VPS13B: variants seen among roughly 807,000 people sequenced by gnomAD.
VPS13B encodes vacuolar protein sorting 13 homolog B.
A neutral mutation model predicts 426.4 loss-of-function variants in VPS13B; 285 were observed. The observed-to-expected ratio is 0.67, with a 90% CI of 0.61 to 0.74. The LOEUF (loss-of-function observed/expected upper bound fraction) is 0.74. VPS13B is among the 30% of genes least tolerant of loss of function. The probability of loss-of-function intolerance (pLI) is 0.00; values close to 1 mark genes in which losing one functional copy is unlikely to be tolerated. For missense variants in VPS13B, 4,537 were observed against 4,782.6 expected, an observed-to-expected ratio of 0.95 and a Z score of 1.51; for synonymous variants, 1,676 against 1,676.4, an observed-to-expected ratio of 1.00 and a Z score of 0.01.
Position 99,642,029 on chromosome 8 carries a change from C to T in VPS13B, c.5439C>T (p.Asp1813=), listed in dbSNP as rs1588579468. 3 of 1,614,056 alleles carry T rather than the reference C, an allele frequency of 1.9e-6. No individual in the cohort carries two copies. The highest frequency in any genetic ancestry group is 2.5e-6 in the Non-Finnish European group (3 of 1,179,984). Residue 1813 remains aspartate (D), a synonymous_variant, in exon 34 of 62, where the codon GAC becomes GAT. Coordinates refer to ENST00000357162, the MANE Select transcript of VPS13B (RefSeq NM_152564.5). ...AAAATCTAAATTTTATTCCCTTTGA[C>T]ATATTTATTACTGCAAGTAGAATCT... is the stretch of plus-strand genomic sequence containing the variant. ...IVKNLNFIPF[D]IFITASRISL...
intron 2 of VPS13B, among the ~76,000 whole-genome samples, chr8:99,038,028 A>T (rs1842823413): frequency 6.6e-6 from 1 of 152,086 alleles, no homozygotes; most frequent in Non-Finnish European, 1.5e-5. Flanking sequence ...GCTGCTATAT[A>T]CTGTTGCACT....
chr8:99,388,817 TG>T (rs1282269523), intron 20 of VPS13B, among the ~76,000 whole-genome samples: 1 of 152,250 alleles, frequency 6.6e-6, no homozygotes, highest in Non-Finnish European at 1.5e-5. Context: ...AAAGTGGTTT[TG>T]TTTGGCCTTG....
intron 19 of VPS13B, among the ~76,000 whole-genome samples, chr8:99,339,255 G>T (rs1203704665): frequency 6.6e-6 from 1 of 152,086 alleles, no homozygotes; most frequent in Non-Finnish European, 1.5e-5. Context: ...ACCTAAGACT[G>T]GGTAACTTAT....
chr8:99,697,731 C>T (rs1832092424), intron 35 of VPS13B: 2 of 620,266 alleles, frequency 3.2e-6, no homozygotes, highest in East Asian at 3.4e-5. Flanking sequence ...CTGGGCCTGG[C>T]CTAGGGCGCG....
chr8:99,075,293 TG>T (rs978698196), intron 3 of VPS13B, among the ~76,000 whole-genome samples: 2 of 152,268 alleles, frequency 1.3e-5, no homozygotes, highest in Admixed American at 6.5e-5. Context: ...GCCTAGCTTC[TG>T]GGGAGGTCTC....
chr8:99,608,677 G>A (rs1421837121), intron 33 of VPS13B, among the ~76,000 whole-genome samples: 1 of 151,930 alleles, frequency 6.6e-6, no homozygotes, highest in Non-Finnish European at 1.5e-5. Context: ...CCACTGCTAG[G>A]CAACCACTAA....
chr8:99,505,808 C>T (rs1007491096), intron 27 of VPS13B, among the ~76,000 whole-genome samples: 8 of 152,028 alleles, frequency 5.3e-5, no homozygotes, highest in African/African-American at 1.9e-4. Flanking sequence ...AATATCTGCA[C>T]TATGCAATAA....
At chr8:99,304,872 G>A (rs1454415876) in intron 19 of VPS13B, among the ~76,000 whole-genome samples, 1 of 151,826 alleles carries the variant, frequency 6.6e-6, no homozygotes, top group Non-Finnish European at 1.5e-5. Flanking sequence ...ATGTTTTACT[G>A]CCCCCCTCCC....
chr8:99,425,723 A>G (rs1340725443), intron 21 of VPS13B, among the ~76,000 whole-genome samples: 1 of 152,130 alleles, frequency 6.6e-6, no homozygotes, highest in East Asian at 1.9e-4. Flanking sequence ...AGGAGAAGGA[A>G]ATAAAGGGTA....
At chr8:99,150,922 T>G (rs771648317) in intron 14 of VPS13B, among the ~76,000 whole-genome samples, 2 of 152,206 alleles carry the variant, frequency 1.3e-5, no homozygotes, top group Non-Finnish European at 2.9e-5. Flanking sequence ...ATGGATTGTA[T>G]GCTAAAAGTA....
At chr8:99,872,982 C>A (rs1430734044) in intron 61 of VPS13B, among the ~76,000 whole-genome samples, 1 of 152,206 alleles carries the variant, frequency 6.6e-6, no homozygotes, top group Non-Finnish European at 1.5e-5. Context: ...TGATGACTTT[C>A]TGAGAATAAA....
chr8:99,425,956 A>T (rs1302779183), intron 21 of VPS13B, among the ~76,000 whole-genome samples: 3 of 151,714 alleles, frequency 2.0e-5, no homozygotes, highest in Non-Finnish European at 4.4e-5. Flanking sequence ...ACTTGTGCAC[A>T]TTGTGCAGGT....
At chr8:99,594,551 T>A (rs1329167625) in intron 33 of VPS13B, among the ~76,000 whole-genome samples, 1 of 152,000 alleles carries the variant, frequency 6.6e-6, no homozygotes, top group African/African-American at 2.4e-5. Context: ...TTTGCTTGAT[T>A]ATAGAGCATA....
At chr8:99,458,840 T>C (rs1375896622) in intron 23 of VPS13B, among the ~76,000 whole-genome samples, 1 of 152,200 alleles carries the variant, frequency 6.6e-6, no homozygotes, top group Non-Finnish European at 1.5e-5. Flanking sequence ...GATGAGTAGA[T>C]TGCAAAAATT....
rs889278194 is a variant in VPS13B, at chr8:99,217,201, C to G, written c.2515+24144C>G. Among the ~76,000 whole-genome samples the G allele has an allele frequency of 2.0e-5, 3 of 152,252 alleles. No homozygotes were observed. The South Asian group carries it at 6.2e-4, about 32-fold the overall frequency. On this transcript the variant is annotated intron_variant, in intron 17 of 61. Transcript: ENST00000357162. ...ACATTTATAATAGTAACAATAATTG[C>G]TAACACATAAGTGATTATCGTGTGC...
chr8:99,031,466 C>T (rs1052138496), intron 2 of VPS13B, among the ~76,000 whole-genome samples: 11 of 152,018 alleles, frequency 7.2e-5, no homozygotes, highest in African/African-American at 2.2e-4. Context: ...CATGCCTTTT[C>T]GTGTTTCTTG....
Position 99,522,584 on chromosome 8 carries a change from T to G in VPS13B, c.4745+1574T>G, listed in dbSNP as rs77292104. Reference sequence around the variant, plus strand: ...GGGTCTTCCTTTTATTCTTTTTTTTTGCCCAACTCTTCTTGGGTGAGGCTC... The same window carrying G: ...GGGTCTTCCTTTTATTCTTTTTTTTGGCCCAACTCTTCTTGGGTGAGGCTC... On this transcript the variant is annotated intron_variant, in intron 30 of 61. Transcript: ENST00000357162. 3.9e-5 allele frequency among the ~76,000 whole-genome samples: 6 copies of G among 152,262 alleles called. No individual in the cohort carries two copies. The South Asian group carries it at 1.2e-3, about 32-fold the overall frequency.
At chr8:99,455,108 G>A (rs1379816605) in intron 23 of VPS13B, among the ~76,000 whole-genome samples, 1 of 152,020 alleles carries the variant, frequency 6.6e-6, no homozygotes, top group Non-Finnish European at 1.5e-5. Context: ...TTTAATTTTA[G>A]TAAAGTCCAG....
intron 51 of VPS13B, among the ~76,000 whole-genome samples, chr8:99,827,796 T>C (rs1437432529): frequency 1.3e-5 from 2 of 152,180 alleles, no homozygotes; most frequent in Non-Finnish European, 2.9e-5. Flanking sequence ...TTTTTCTCAT[T>C]GGTTTCAAAG....
Sources: allele counts gnomAD v4.1 joint callset (sites outside exome capture counted in the v4.1 genomes callset), GRCh38; gene constraint gnomAD v4.1.1; transcripts MANE v1.5; gene names NCBI Gene and HGNC (gene_info 2026-07-23, HGNC 2026-07-21).